Variants in CFAP299 observed in about 807,000 individuals in gnomAD.
CFAP299 encodes cilia and flagella associated protein 299, also known as cilia- and flagella-associated protein 299.
Under a neutral mutation model 27.0 loss-of-function variants are expected in CFAP299, and 21 were observed. The observed-to-expected ratio is 0.78, with a 90% CI of 0.55 to 1.12. The LOEUF (loss-of-function observed/expected upper bound fraction) is 1.12. Ranked by LOEUF, CFAP299 falls within the 50% of genes most tolerant of loss-of-function variation. CFAP299 has a pLI of 0.00. For synonymous variants in CFAP299, 104 were observed against 98.1 expected (o/e 1.06, Z -0.36); for missense variants, 310 against 276.6 (o/e 1.12, Z -0.86).
chr4:80,322,800 T>A, the CFAP299 span, among the ~76,000 whole-genome samples: 6 of 152,216 alleles, frequency 3.9e-5, no homozygotes, highest in African/African-American at 1.2e-4. Flanking sequence ...CAGGGAAGTT[T>A]TGGCTGGCAG....
At chr4:80,387,493 G>A (rs1165218293) in intron 2 of CFAP299, 2 of 812,814 alleles carry the variant, frequency 2.5e-6, no homozygotes, top group African/African-American at 1.7e-5. Flanking sequence ...GCTGGCTGTG[G>A]GCCAGGCCTG....
At chr4:80,727,367 G>A (rs11721489) in intron 3 of CFAP299, among the ~76,000 whole-genome samples, 59,407 of 151,672 alleles carry the variant, frequency 0.39, 15,670 homozygotes, top group African/African-American at 0.75. Flanking sequence ...TTATTTAACT[G>A]GTCTGTACTT....
At chr4:80,708,463 T>G (rs1347892616) in intron 3 of CFAP299, among the ~76,000 whole-genome samples, 1 of 152,166 alleles carries the variant, frequency 6.6e-6, no homozygotes, top group Non-Finnish European at 1.5e-5. Flanking sequence ...CTTTCTTTGC[T>G]TCAGTGTATG....
At chr4:80,788,982 T>G (rs976125904) in intron 3 of CFAP299, among the ~76,000 whole-genome samples, 6 of 152,122 alleles carry the variant, frequency 3.9e-5, no homozygotes, top group South Asian at 2.1e-4. Flanking sequence ...ATCTCCCATA[T>G]CTGCTCTCTT....
intron 3 of CFAP299, among the ~76,000 whole-genome samples, chr4:80,849,115 T>G (rs1032375789): frequency 1.3e-5 from 2 of 152,192 alleles, no homozygotes; most frequent in Non-Finnish European, 2.9e-5. Flanking sequence ...ACAAACACAT[T>G]GTACAGTTAC....
intron 2 of CFAP299, among the ~76,000 whole-genome samples, chr4:80,536,303 G>T (rs1180712005): frequency 6.6e-6 from 1 of 152,132 alleles, no homozygotes; most frequent in African/African-American, 2.4e-5. Flanking sequence ...GTAGTGGATA[G>T]GAACCCTTAT....
intron 3 of CFAP299, among the ~76,000 whole-genome samples, chr4:80,633,556 A>G (rs1739325708): frequency 6.6e-6 from 1 of 152,188 alleles, no homozygotes; most frequent in South Asian, 2.1e-4. Context: ...ATGTCTTGCT[A>G]TAATTTGCCA....
chr4:80,950,924 G>C (rs975812268), intron 5 of CFAP299, among the ~76,000 whole-genome samples: 3 of 152,152 alleles, frequency 2.0e-5, no homozygotes, highest in Admixed American at 1.3e-4. Context: ...AATCTAATTA[G>C]TGTTTGCCAT....
At chr4:80,503,119 A>G (rs186500083) in intron 2 of CFAP299, among the ~76,000 whole-genome samples, 3 of 152,252 alleles carry the variant, frequency 2.0e-5, no homozygotes, top group South Asian at 4.2e-4. Flanking sequence ...CATTCTAATA[A>G]AACCAATACT....
chr4:80,883,517 A>G (rs1733818603), intron 4 of CFAP299, among the ~76,000 whole-genome samples: 1 of 152,190 alleles, frequency 6.6e-6, no homozygotes. Context: ...TTATCCAACC[A>G]TATGCTGCCT....
chr4:80,661,772 G>T (rs1740863751), intron 3 of CFAP299, among the ~76,000 whole-genome samples: 1 of 152,172 alleles, frequency 6.6e-6, no homozygotes, highest in African/African-American at 2.4e-5. Flanking sequence ...GCAGAACAGA[G>T]CCATATTTCT....
intron 2 of CFAP299, among the ~76,000 whole-genome samples, chr4:80,488,719 G>T (rs182168437): frequency 2.0e-5 from 3 of 152,082 alleles, no homozygotes; most frequent in African/African-American, 7.2e-5. Context: ...CTTGTGATCC[G>T]CCCACCTTGG....
At chr4:80,614,156 C>T (rs925193297) in intron 3 of CFAP299, among the ~76,000 whole-genome samples, 3 of 152,258 alleles carry the variant, frequency 2.0e-5, no homozygotes, top group South Asian at 2.1e-4. Context: ...GTGATATTTA[C>T]TCCAACAGAA....
chr4:80,573,480 T>A (rs1463746133), intron 2 of CFAP299, among the ~76,000 whole-genome samples: 2 of 152,082 alleles, frequency 1.3e-5, no homozygotes, highest in South Asian at 2.1e-4. Context: ...GATCCCATTT[T>A]TCTATTTTTG....
At chr4:80,557,277 G>A (rs1056506213) in intron 2 of CFAP299, among the ~76,000 whole-genome samples, 5 of 151,978 alleles carry the variant, frequency 3.3e-5, no homozygotes, top group African/African-American at 1.2e-4. Context: ...TAGAAGAATT[G>A]GATAGTTTAA....
chr4:80,387,378 A>G (rs1725072058), intron 2 of CFAP299: 2 of 1,248,642 alleles, frequency 1.6e-6, no homozygotes, highest in Non-Finnish European at 2.4e-6. Flanking sequence ...GTCATGTGAG[A>G]CTTGAGCTGG....
At chr4:80,450,428 C>T (rs1387836422) in intron 2 of CFAP299, among the ~76,000 whole-genome samples, 1 of 151,728 alleles carries the variant, frequency 6.6e-6, no homozygotes, top group Non-Finnish European at 1.5e-5. Context: ...GCTTAGAATC[C>T]CTGAAGAGAA....
At chr4:80,386,487 G>T in intron 2 of CFAP299, 2 of 1,549,678 alleles carry the variant, frequency 1.3e-6, no homozygotes, top group East Asian at 2.3e-5. Context: ...ACGGCGCGGG[G>T]CTGCCCTCTT....
intron 2 of CFAP299, among the ~76,000 whole-genome samples, chr4:80,364,685 A>G (rs1723731261): frequency 6.6e-6 from 1 of 152,202 alleles, no homozygotes; most frequent in South Asian, 2.1e-4. Flanking sequence ...TTTGTTGCAC[A>G]GGTCATCCCA....
Sources: gnomAD v4.1 joint callset for allele counts (sites outside exome capture counted in the v4.1 genomes callset) on GRCh38, gnomAD v4.1.1 for gene constraint, MANE v1.5 for transcripts, NCBI Gene and HGNC (gene_info 2026-07-23, HGNC 2026-07-21) for gene names.